Variants in P2RX4 observed in about 807,000 individuals in gnomAD.
P2RX4 encodes purinergic receptor P2X 4.
Under a neutral mutation model 48.0 loss-of-function variants are expected in P2RX4, and 37 were observed. The ratio of observed to expected loss-of-function variants is 0.77; its 90% CI spans 0.59 to 1.01. The LOEUF is 1.01. Ranked by LOEUF, P2RX4 falls within the 50% of genes least tolerant of loss-of-function variation. P2RX4 has a pLI of 0.00. For missense variants in P2RX4, 501 were observed against 521.4 expected, an observed-to-expected ratio of 0.96 and a Z score of 0.38; for synonymous variants, 200 against 199.7, an observed-to-expected ratio of 1.00 and a Z score of -0.01.
chr12:121,219,577 G>GTGGATGGATGGATGGATGGATGGA (rs767985861), intron 2 of P2RX4, among the ~76,000 whole-genome samples: 1 of 139,600 alleles, frequency 7.2e-6, no homozygotes, highest in Non-Finnish European at 1.5e-5. Flanking sequence ...TGGATGGGTG[G>GTGGATGGATGGATGGATGGATGGA]TGGATGGATG....
At chr12:121,219,330 C>T (rs754243471) in intron 2 of P2RX4, among the ~76,000 whole-genome samples, 1 of 152,174 alleles carries the variant, frequency 6.6e-6, no homozygotes, top group Non-Finnish European at 1.5e-5. Context: ...GGGATGTCTA[C>T]AGACTGGTTG....
At chr12:121,222,874 C>T (rs1886729902) in intron 4 of P2RX4, 73 bp from the exon 5 acceptor site, 2 of 1,417,328 alleles carry the variant, frequency 1.4e-6, no homozygotes, top group South Asian at 1.2e-5. Context: ...GGCTCTCACT[C>T]CCTACTCCAA....
At chr12:121,231,825 G>A (rs1005217962) in intron 8 of P2RX4, among the ~76,000 whole-genome samples, 13 of 151,962 alleles carry the variant, frequency 8.6e-5, no homozygotes, top group African/African-American at 2.7e-4. Flanking sequence ...CCAACTTGGT[G>A]AAACCCCGTC....
intron 5 of P2RX4, among the ~76,000 whole-genome samples, chr12:121,227,480 A>T (rs1220695914): frequency 6.6e-6 from 1 of 152,196 alleles, no homozygotes; most frequent in Non-Finnish European, 1.5e-5. Context: ...CCTGTAGGCA[A>T]ATTTACTTTT....
Position 121,233,944 on chromosome 12 carries a change from A to G in P2RX4, c.*395A>G. On this transcript the variant is annotated 3_prime_UTR_variant, in exon 12 of 12. Transcript: ENST00000337233. ...GCTCTGTTCAAGCACTTTATGCGGC[A>G]GGGGAGGCCGCCTGGCTGCAGTCAC... 4.0e-6 allele frequency: 1 copy of G among 248,164 alleles called. No homozygotes were observed. The highest frequency in any genetic ancestry group is 8.1e-6 in the Non-Finnish European group (1 of 123,628). The allele number at this position is 248,164 out of a possible 1,614,324, so 15.4% of individuals were successfully genotyped here.
chr12:121,217,664 G>A (rs1200130293), intron 2 of P2RX4, among the ~76,000 whole-genome samples: 12 of 151,524 alleles, frequency 7.9e-5, no homozygotes, highest in South Asian at 2.1e-4. Context: ...AGTAGCTCAC[G>A]TGTGTAATCC....
At chr12:121,220,846 C>T (rs1026071754) in intron 2 of P2RX4, among the ~76,000 whole-genome samples, 2 of 152,180 alleles carry the variant, frequency 1.3e-5, no homozygotes, top group African/African-American at 2.4e-5. Context: ...TCTCTATGGA[C>T]TTGACTGTTC....
At chr12:121,219,959 C>A (rs1886495613) in intron 2 of P2RX4, among the ~76,000 whole-genome samples, 1 of 152,042 alleles carries the variant, frequency 6.6e-6, no homozygotes, top group African/African-American at 2.4e-5. Context: ...CCTTTTATTC[C>A]TTATATGAGG....
chr12:121,220,336 T>C (rs1464678602), intron 2 of P2RX4, among the ~76,000 whole-genome samples: 3 of 152,036 alleles, frequency 2.0e-5, no homozygotes, highest in East Asian at 1.9e-4. Flanking sequence ...AATTCACTTA[T>C]AGAAACTAAC....
At chr12:121,215,948 G>T (rs1157728608) in intron 1 of P2RX4, 1 of 152,196 alleles carries the variant, frequency 6.6e-6, no homozygotes, top group East Asian at 1.9e-4. Context: ...ACTCTTAAAA[G>T]TTCCTTAAAG....
chr12:121,228,554 A>G lies in P2RX4; in HGVS notation c.546A>G (p.Ala182=), dbSNP rs752809335. 1.9e-6 allele frequency: 3 copies of G among 1,612,984 alleles called. No individual in the cohort carries two copies. In the African/African-American group the frequency reaches 4.0e-5, roughly 22 times the overall value. ...TCAGACCTGCTTTTTTAAAGGCTGC[A>G]GAAAACTTCACTCTTTTGGTTAAGA... is the stretch of plus-strand genomic sequence containing the variant. The part of the protein sequence containing the change: ...HVPQPAFLKA[A]ENFTLLVKNN... Residue 182 remains alanine, a synonymous_variant, in exon 6 of 12, where the codon GCA becomes GCG. Transcript: ENST00000337233.
rs1887191778 is a variant in P2RX4 at position 121,229,176 on chromosome 12, T to A, written c.884+77T>A. 6.4e-7 allele frequency: 1 copy of A among 1,557,470 alleles called. No individual in the cohort carries two copies. Among genetic ancestry groups the A allele is most frequent in the East Asian group, 2.2e-5 (1 of 44,546 alleles). ...GCGTACGTGCCAGTGGGCCGCCCAC[T>A]GAAGACCAGCACTCAGGCAGCACCC... On this transcript the variant is annotated intron_variant, in intron 8 of 11. Coordinates refer to ENST00000337233, the MANE Select transcript of P2RX4 (RefSeq NM_002560.3). This position sits in a 1 kb window ranked among gnomAD's most constrained non-coding sequence, Gnocchi z 4.6.
At chr12:121,216,828 A>T in intron 1 of P2RX4, 1 of 636,326 alleles carries the variant, frequency 1.6e-6, no homozygotes, top group Non-Finnish European at 2.8e-6. Flanking sequence ...CTCAAAAAAA[A>T]AAAAAGAGAA....
chr12:121,213,042 G>C (rs961744115), intron 1 of P2RX4: 1 of 151,552 alleles, frequency 6.6e-6, no homozygotes, highest in African/African-American at 2.4e-5. Context: ...GTAGCCACTA[G>C]TAACTTGCAC....
In P2RX4 at chr12:121,221,814, G is replaced by A. The variant is rs945782534; in HGVS notation, c.283-99G>A. 3.4e-5 allele frequency: 31 copies of A among 924,564 alleles called. 2 individuals carry two copies. The highest frequency in any genetic ancestry group is 2.7e-4 in the South Asian group (20 of 75,266). 57.3% of individuals were successfully genotyped at this position (924,564 alleles called of 1,614,324 possible). A position where few individuals can be genotyped will look rare whatever the true frequency, so the allele number is the denominator to read the frequency against. ...GATGGGAGAGAGCGGGAGAGCACGC[G>A]GTCAGTGTTTGAGTTGTCCTCTTCA... On this transcript the variant is annotated intron_variant, in intron 2 of 11. Transcript: ENST00000337233.
At chr12:121,212,412 T>C (rs1565997134) in intron 1 of P2RX4, among the ~76,000 whole-genome samples, 2 of 150,898 alleles carry the variant, frequency 1.3e-5, no homozygotes, top group Non-Finnish European at 2.9e-5. Context: ...CTGGACAACA[T>C]AGCGAGACCC....
At chr12:121,219,615 G>GATA (rs1886455196) in intron 2 of P2RX4, among the ~76,000 whole-genome samples, 3 of 140,532 alleles carry the variant, frequency 2.1e-5, no homozygotes, top group African/African-American at 5.6e-5. Flanking sequence ...ATGGATGGAT[G>GATA]GATAGATAGA....
Position 121,228,973 on chromosome 12 carries a change from T to C in P2RX4, c.758T>C (p.Met253Thr), listed in dbSNP as rs1017297100. 1 of 1,614,106 alleles carries C rather than the reference T, an allele frequency of 6.2e-7. No homozygotes were observed. Among genetic ancestry groups the C allele is most frequent in the Non-Finnish European group, 8.5e-7 (1 of 1,180,012 alleles). The part of the protein sequence containing the change: ...FQDMAVEGGI[M>T]GIQVNWDCNL... ...GCTGCTCATCCCCAGGGAGGCATCA[T>C]GGGCATCCAGGTCAACTGGGACTGC... The change falls in exon 8 of 12, where the codon ATG becomes ACG. Residue 253 changes from methionine (M) to threonine (T), a missense_variant. Met to Thr is a moderately conservative substitution (Grantham distance 81). Transcript: ENST00000337233.
At chr12:121,228,165 G>A (rs985590448) in intron 5 of P2RX4, among the ~76,000 whole-genome samples, 3 of 151,578 alleles carry the variant, frequency 2.0e-5, no homozygotes, top group South Asian at 2.1e-4. Context: ...TGAAGCAGGC[G>A]GATCACTTGA....
Sources: gnomAD v4.1 joint callset for allele counts (sites outside exome capture counted in the v4.1 genomes callset) on GRCh38, gnomAD v4.1.1 for gene constraint, Gnocchi (gnomAD v3.1) non-coding constraint, MANE v1.5 for transcripts, NCBI Gene and HGNC (gene_info 2026-07-23, HGNC 2026-07-21) for gene names.